Variants in AGBL1 observed in about 807,000 individuals in gnomAD.
AGBL1 encodes the protein cytosolic carboxypeptidase 4.
AGBL1 carries 130 observed loss-of-function variants against 118.9 expected under a neutral mutation model. That is an observed-to-expected ratio of 1.09 (90% confidence interval 0.95 to 1.26). AGBL1 has a LOEUF of 1.26. Ranked by LOEUF, AGBL1 falls within the 50% of genes most tolerant of loss-of-function variation. The pLI is 0.00. For missense variants in AGBL1, 1,584 were observed against 1,298.1 expected (o/e 1.22, Z -3.38); for synonymous variants, 555 against 478.9 (o/e 1.16, Z -2.08).
chr15:86,856,866 T>C (rs10520642), intron 22 of AGBL1, among the ~76,000 whole-genome samples: 2,793 of 152,340 alleles, frequency 0.018, 49 homozygotes, highest in South Asian at 0.067. Context: ...ACTTTGCAAA[T>C]GAAGCAAATG....
chr15:86,453,424 A>G (rs915273029), intron 18 of AGBL1, among the ~76,000 whole-genome samples: 1 of 152,202 alleles, frequency 6.6e-6, no homozygotes, highest in African/African-American at 2.4e-5. Context: ...CATGTCTAAC[A>G]TTGCTTTGTG....
chr15:86,864,782 T>TA (rs2079602275), intron 22 of AGBL1, among the ~76,000 whole-genome samples: 1 of 152,146 alleles, frequency 6.6e-6, no homozygotes, highest in Non-Finnish European at 1.5e-5. Context: ...CGTCAGGAGT[T>TA]ACGATGCACA....
intron 21 of AGBL1, among the ~76,000 whole-genome samples, chr15:86,652,366 A>G (rs1022054330): frequency 6.6e-6 from 1 of 152,110 alleles, no homozygotes; most frequent in African/African-American, 2.4e-5. Flanking sequence ...TAATGTTGTT[A>G]TTGTTGAAGA....
intron 21 of AGBL1, among the ~76,000 whole-genome samples, chr15:86,612,450 G>T (rs1161371344): frequency 6.6e-6 from 1 of 150,428 alleles, no homozygotes; most frequent in East Asian, 2.0e-4. Context: ...GGGAGGGGAA[G>T]GATGGGGGTC....
chr15:86,186,228 G>T (rs560043526), intron 5 of AGBL1, among the ~76,000 whole-genome samples: 2 of 152,190 alleles, frequency 1.3e-5, no homozygotes, highest in South Asian at 2.1e-4. Flanking sequence ...TGCAGGGGGC[G>T]GGGCATGGGG....
intron 22 of AGBL1, among the ~76,000 whole-genome samples, chr15:86,821,530 A>C (rs1020097141): frequency 6.6e-6 from 1 of 152,156 alleles, no homozygotes; most frequent in Non-Finnish European, 1.5e-5. Flanking sequence ...AATAGATAAA[A>C]AATATAATTG....
At chr15:86,639,037 T>C (rs1289942672) in intron 21 of AGBL1, among the ~76,000 whole-genome samples, 3 of 152,204 alleles carry the variant, frequency 2.0e-5, no homozygotes, top group Non-Finnish European at 4.4e-5. Context: ...GCTTCATTGA[T>C]GCTGCAGCTC....
At chr15:86,988,217 C>T in intron 24 of AGBL1, 1 of 1,146,760 alleles carries the variant, frequency 8.7e-7, no homozygotes. Context: ...AAAAAAACAA[C>T]ATACCCTTCA....
Position 86,379,972 on chromosome 15 carries a change from T to A in AGBL1, c.2375-17394T>A, listed in dbSNP as rs746538304. Among the ~76,000 whole-genome samples the A allele has an allele frequency of 6.6e-5, 10 of 152,234 alleles. 1 individual carries two copies. The highest frequency in any genetic ancestry group is 1.0e-4 in the Non-Finnish European group (7 of 68,040). ...AAGTAAATTTAAATGATGACTTGAT[T>A]TGTAAAATATTCATTTACATGCAAT... On this transcript the variant is annotated intron_variant, in intron 17 of 22. Coordinates refer to ENST00000614907, the MANE Select transcript of AGBL1 (RefSeq NM_001386094.1).
intron 7 of AGBL1, among the ~76,000 whole-genome samples, 183 bp from the exon 8 acceptor site, chr15:86,256,670 G>A (rs949118395): frequency 6.6e-6 from 1 of 152,218 alleles, no homozygotes; most frequent in African/African-American, 2.4e-5. Context: ...TTCTATGTTG[G>A]AATGTTCAAA....
chr15:86,430,609 G>A (rs2081924281), intron 18 of AGBL1, among the ~76,000 whole-genome samples: 1 of 152,012 alleles, frequency 6.6e-6, no homozygotes, highest in African/African-American at 2.4e-5. Context: ...AAGCTTGAAA[G>A]AGAGACCCAG....
chr15:86,481,770 GA>G (rs2082654106), intron 18 of AGBL1, among the ~76,000 whole-genome samples: 1 of 152,000 alleles, frequency 6.6e-6, no homozygotes, highest in South Asian at 2.1e-4. Context: ...CATCATCTTA[GA>G]ACTAGACAGA....
intron 16 of AGBL1, among the ~76,000 whole-genome samples, chr15:86,291,780 G>A (rs1488244390): frequency 1.3e-5 from 2 of 152,096 alleles, no homozygotes; most frequent in Non-Finnish European, 2.9e-5. Context: ...TGTATGTGTA[G>A]TTAGTCATCT....
chr15:86,543,215 T>G (rs77168098), intron 19 of AGBL1, among the ~76,000 whole-genome samples: 3,400 of 148,842 alleles, frequency 0.023, 68 homozygotes, highest in Middle Eastern at 0.066. Flanking sequence ...GTTTACAATA[T>G]CTATCTTTAA....
At chr15:86,856,480 T>A (rs1567209359) in intron 22 of AGBL1, among the ~76,000 whole-genome samples, 1 of 152,194 alleles carries the variant, frequency 6.6e-6, no homozygotes, top group Non-Finnish European at 1.5e-5. Context: ...AATAGGCAAA[T>A]GTCTTTGTGA....
intron 6 of AGBL1, among the ~76,000 whole-genome samples, chr15:86,226,894 G>A (rs780327701): frequency 6.6e-6 from 1 of 152,220 alleles, no homozygotes; most frequent in Middle Eastern, 3.4e-3. Flanking sequence ...AATTGCTATT[G>A]TCTGTCTCTT....
chr15:86,534,726 T>C (rs932722421), intron 19 of AGBL1, among the ~76,000 whole-genome samples: 2 of 152,188 alleles, frequency 1.3e-5, no homozygotes. Flanking sequence ...AACTATGATA[T>C]AGTCAATAAC....
Position 86,080,126 on chromosome 15 carries a change from C to T in AGBL1, c.51+103C>T, listed in dbSNP as rs1895167174. On this transcript the variant is annotated intron_variant, in intron 1 of 22. Transcript: ENST00000614907. ...ACAGTCCCCTCTGGCAGTCACTGGC[C>T]CAGTTTGTTAACAGCAAGAGAACAG... 3.2e-6 allele frequency: 3 copies of T among 925,138 alleles called. No individual in the cohort carries two copies. In the East Asian group the frequency reaches 9.9e-5, roughly 30 times the overall value. The allele number at this position is 925,138 out of a possible 1,614,324, so 57.3% of individuals were successfully genotyped here.
intron 1 of AGBL1, among the ~76,000 whole-genome samples, chr15:86,117,151 G>A (rs1274663803): frequency 6.6e-6 from 1 of 151,674 alleles, no homozygotes; most frequent in African/African-American, 2.4e-5. Context: ...GAGTGTTCTG[G>A]GGGTCCACAC....
Sources: gnomAD v4.1 joint callset for allele counts (sites outside exome capture counted in the v4.1 genomes callset) on GRCh38, gnomAD v4.1.1 for gene constraint, MANE v1.5 for transcripts, NCBI Gene and HGNC (gene_info 2026-07-23, HGNC 2026-07-21) for gene names.